The following EFCAB13 variants were observed in gnomAD, a reference collection of about 807,000 sequenced individuals.
EFCAB13 encodes EF-hand calcium binding domain 13, also known as EF-hand calcium-binding domain-containing protein 13.
A neutral mutation model predicts 110.2 loss-of-function variants in EFCAB13; 91 were observed. That is an observed-to-expected ratio of 0.83 (90% CI 0.70 to 0.98). The LOEUF (loss-of-function observed/expected upper bound fraction) is 0.98. Ranked by LOEUF, EFCAB13 falls within the 50% of genes least tolerant of loss-of-function variation. EFCAB13 has a pLI of 0.00. For synonymous variants in EFCAB13, 323 were observed against 369.9 expected (o/e 0.87, Z 1.45); for missense variants, 968 against 1,119.4 (o/e 0.86, Z 1.93).
intron 8 of EFCAB13, among the ~76,000 whole-genome samples, chr17:47,345,593 C>G (rs2065410629): frequency 6.6e-6 from 1 of 152,144 alleles, no homozygotes; most frequent in Admixed American, 6.5e-5. Context: ...ATGGGTGACT[C>G]ATACTTCTGG....
At chr17:47,397,265 C>G (rs1171060045) in intron 17 of EFCAB13, among the ~76,000 whole-genome samples, 2 of 152,226 alleles carry the variant, frequency 1.3e-5, no homozygotes, top group Admixed American at 6.5e-5. Flanking sequence ...CCGCCAGCCT[C>G]GGCCTCCCGG....
rs201836061 is a variant in EFCAB13, at chr17:47,374,725, T to G, written c.1131T>G (p.Asn377Lys). ...TTCTGGGTGGGGTTGGCAGCAGTAATGTAGGAGTCCAAGAACCATATTCAA... is the reference window on the plus strand; with the variant it reads ...TTCTGGGTGGGGTTGGCAGCAGTAAGGTAGGAGTCCAAGAACCATATTCAA... The part of the protein sequence containing the change: ...RKFLGGVGSS[N>K]VGVQEPYSKN... Residue 377 changes from asparagine (N) to lysine (K), a missense_variant, in exon 12 of 25, where the codon AAT (asparagine) becomes AAG (lysine). Coordinates refer to ENST00000331493, the MANE Select transcript of EFCAB13 (RefSeq NM_152347.5). The G allele has an allele frequency of 3.9e-4, 636 of 1,613,878 alleles. No homozygotes were observed. The highest frequency in any genetic ancestry group is 4.9e-4 in the Non-Finnish European group (577 of 1,179,970).
chr17:47,369,368 T>C (rs1218818240), intron 10 of EFCAB13, among the ~76,000 whole-genome samples: 1 of 152,178 alleles, frequency 6.6e-6, no homozygotes, highest in Non-Finnish European at 1.5e-5. Flanking sequence ...GAGGAAACCA[T>C]TGGCAATACA....
chr17:47,437,488 G>C (rs1905235549), intron 24 of EFCAB13, among the ~76,000 whole-genome samples: 1 of 152,120 alleles, frequency 6.6e-6, no homozygotes, highest in Admixed American at 6.6e-5. Context: ...TTTCCTGTTG[G>C]ATAAGGCCTT....
intron 2 of EFCAB13, among the ~76,000 whole-genome samples, chr17:47,324,860 C>A (rs1347455308): frequency 6.7e-6 from 1 of 148,838 alleles, no homozygotes; most frequent in Non-Finnish European, 1.5e-5. Flanking sequence ...AAGAGCCTAC[C>A]CTACTGGCTG....
chr17:47,335,434 A>T, intron 5 of EFCAB13, 78 bp downstream of exon 5: 1 of 1,214,796 alleles, frequency 8.2e-7, no homozygotes, highest in Non-Finnish European at 1.1e-6. Flanking sequence ...GCTGTGGCTT[A>T]TGCGTTCTCA....
intron 14 of EFCAB13, 28 bp from the exon 15 acceptor site, chr17:47,391,409 A>G (rs763318883): frequency 6.8e-7 from 1 of 1,469,108 alleles, no homozygotes; most frequent in East Asian, 2.6e-5. Context: ...TATATTTAAT[A>G]CTTATTAGCA....
At chr17:47,377,266 A>G (rs1461434806) in intron 12 of EFCAB13, among the ~76,000 whole-genome samples, 1 of 152,106 alleles carries the variant, frequency 6.6e-6, no homozygotes, top group East Asian at 1.9e-4. Flanking sequence ...GGTTCAAGTG[A>G]TCCTTCTGCC....
intron 4 of EFCAB13, among the ~76,000 whole-genome samples, chr17:47,331,739 T>G (rs974726258): frequency 6.6e-6 from 1 of 152,152 alleles, no homozygotes; most frequent in African/African-American, 2.4e-5. Context: ...TTACTTCTCC[T>G]TCCCCCATCC....
intron 23 of EFCAB13, among the ~76,000 whole-genome samples, chr17:47,429,074 C>G (rs560606378): frequency 6.6e-6 from 1 of 152,060 alleles, no homozygotes; most frequent in Non-Finnish European, 1.5e-5. Context: ...GCAAGCTATA[C>G]CTTCTATTTC....
At chr17:47,429,744 G>A in intron 23 of EFCAB13, 74 bp from the exon 24 acceptor site, 3 of 1,455,088 alleles carry the variant, frequency 2.1e-6, no homozygotes, top group Non-Finnish European at 9.2e-7. Flanking sequence ...GCAACCTGAG[G>A]CTATTAAGTG....
Position 47,406,683 on chromosome 17 carries a change from G to A in EFCAB13, c.2233+2050G>A, listed in dbSNP as rs142162821. On this transcript the variant is annotated intron_variant, in intron 20 of 24. Coordinates refer to ENST00000331493, the MANE Select transcript of EFCAB13 (RefSeq NM_152347.5). The stretch of plus-strand genomic sequence containing the variant: ...TGAAGTAGCTCATTCTATAATTTTC[G>A]ACAGCTATAGAACTAGAACATTATT... 2.9e-4 allele frequency among the ~76,000 whole-genome samples: 44 copies of A among 152,170 alleles called. No homozygotes were observed. The East Asian group carries it at 6.9e-3, about 24-fold the overall frequency.
intron 23 of EFCAB13, among the ~76,000 whole-genome samples, chr17:47,416,397 C>T (rs1370642613): frequency 6.6e-6 from 1 of 151,932 alleles, no homozygotes; most frequent in African/African-American, 2.4e-5. Context: ...TTGTGTCTAA[C>T]TTCTTTTATA....
intron 9 of EFCAB13, among the ~76,000 whole-genome samples, chr17:47,356,432 C>A (rs1475248249): frequency 6.6e-6 from 1 of 152,118 alleles, no homozygotes; most frequent in Non-Finnish European, 1.5e-5. Flanking sequence ...CTTCCTGAGA[C>A]ATAGGGCTTC....
intron 23 of EFCAB13, among the ~76,000 whole-genome samples, chr17:47,419,767 C>T (rs557028940): frequency 3.9e-5 from 6 of 151,992 alleles, no homozygotes; most frequent in African/African-American, 9.7e-5. Flanking sequence ...CTGATGAATG[C>T]CAGAGATAAT....
chr17:47,430,614 T>G (rs1790507795), intron 24 of EFCAB13: 1 of 152,166 alleles, frequency 6.6e-6, no homozygotes, highest in Non-Finnish European at 1.5e-5. Flanking sequence ...TTCTATTTTC[T>G]TGTTAGTTTT....
rs769137635 is a variant in EFCAB13 at position 47,412,644 on chromosome 17, T to C, written c.2279-129T>C. The C allele has an allele frequency of 3.0e-4, 283 of 936,756 alleles. No homozygotes were observed. In the Middle Eastern group the frequency reaches 8.6e-3, roughly 28 times the overall value. The allele number at this position is 936,756 out of a possible 1,614,324, so 58.0% of individuals were successfully genotyped here. ...GGCCATCAGTTACAAATAGAAAATA[T>C]TGTGTTTCCTTTGGAGAGATTTTGA... On this transcript the variant is annotated intron_variant, in intron 21 of 24. Coordinates refer to ENST00000331493, the MANE Select transcript of EFCAB13 (RefSeq NM_152347.5).
intron 9 of EFCAB13, among the ~76,000 whole-genome samples, chr17:47,360,743 G>GTAA (rs2065508335): frequency 6.6e-6 from 1 of 152,068 alleles, no homozygotes; most frequent in Admixed American, 6.5e-5. Flanking sequence ...TTCTTCTAGG[G>GTAA]TTTTTATGGT....
intron 9 of EFCAB13, among the ~76,000 whole-genome samples, chr17:47,359,829 T>A (rs1228532794): frequency 7.8e-6 from 1 of 127,900 alleles, no homozygotes; most frequent in Non-Finnish European, 1.6e-5. Flanking sequence ...CCTGTGTCCA[T>A]GTGTTCTCAT....
Sources: gnomAD v4.1 joint callset for allele counts (sites outside exome capture counted in the v4.1 genomes callset) on GRCh38, gnomAD v4.1.1 for gene constraint, MANE v1.5 for transcripts, NCBI Gene and HGNC (gene_info 2026-07-23, HGNC 2026-07-21) for gene names.